CSMD3: variants seen among roughly 807,000 people sequenced by gnomAD.
CSMD3 encodes CUB and sushi domain-containing protein 3.
A neutral mutation model predicts 435.2 loss-of-function variants in CSMD3; 177 were observed. That is an observed-to-expected ratio of 0.41 (90% CI 0.36 to 0.46). The LOEUF (loss-of-function observed/expected upper bound fraction) is 0.46. CSMD3 is among the 20% of genes least tolerant of loss of function. The pLI is 0.34. For synonymous variants in CSMD3, 1,656 were observed against 1,520.5 expected (o/e 1.09, Z -2.07); for missense variants, 4,265 against 4,504.6 (o/e 0.95, Z 1.52).
intron 38 of CSMD3, among the ~76,000 whole-genome samples, chr8:112,372,079 A>G (rs1052667250): frequency 1.3e-5 from 2 of 152,078 alleles, no homozygotes; most frequent in African/African-American, 2.4e-5. Flanking sequence ...TGGGATAAAA[A>G]AGTTCACAAA....
intron 12 of CSMD3, among the ~76,000 whole-genome samples, chr8:112,806,039 G>A (rs117191613): frequency 1.0e-3 from 154 of 152,122 alleles, no homozygotes; most frequent in Middle Eastern, 6.8e-3. Flanking sequence ...AATATTTAGA[G>A]CATCTGTTGA....
chr8:112,341,196 T>C (rs1825071904), intron 42 of CSMD3, among the ~76,000 whole-genome samples: 1 of 152,036 alleles, frequency 6.6e-6, no homozygotes, highest in African/African-American at 2.4e-5. Context: ...CCTTGCTTAT[T>C]TGCCATGCCT....
At chr8:112,597,217 C>T (rs1212165594) in intron 22 of CSMD3, among the ~76,000 whole-genome samples, 2 of 151,550 alleles carry the variant, frequency 1.3e-5, no homozygotes, top group Admixed American at 6.6e-5. Flanking sequence ...TACAAACTAC[C>T]ATCAGAGAAT....
At chr8:113,025,324 A>C (rs547856850) in intron 5 of CSMD3, among the ~76,000 whole-genome samples, 3 of 152,202 alleles carry the variant, frequency 2.0e-5, no homozygotes, top group African/African-American at 7.2e-5. Context: ...TTTGGCTTTG[A>C]TTCTGGGTAG....
At chr8:113,200,254 C>G (rs1271579143) in intron 3 of CSMD3, among the ~76,000 whole-genome samples, 1 of 151,748 alleles carries the variant, frequency 6.6e-6, no homozygotes, top group East Asian at 1.9e-4. Context: ...CCAAACTATA[C>G]TGCACATTTG....
chr8:113,387,309 A>G (rs2094443378), intron 1 of CSMD3, among the ~76,000 whole-genome samples: 2 of 151,752 alleles, frequency 1.3e-5, no homozygotes, highest in African/African-American at 4.8e-5. Context: ...CTTTTTGTAA[A>G]CTGTAAAATG....
At chr8:112,646,741 T>C (rs1478424264) in intron 19 of CSMD3, among the ~76,000 whole-genome samples, 1 of 152,168 alleles carries the variant, frequency 6.6e-6, no homozygotes, top group East Asian at 1.9e-4. Flanking sequence ...ATTTCTGTTA[T>C]TTGAAAATAA....
chr8:112,252,626 T>C (rs1815369914), intron 63 of CSMD3, among the ~76,000 whole-genome samples: 1 of 150,710 alleles, frequency 6.6e-6, no homozygotes. Flanking sequence ...TATATAACTA[T>C]TTATTGTGTT....
At chr8:112,457,431 A>T (rs1816950690) in intron 32 of CSMD3, among the ~76,000 whole-genome samples, 1 of 152,136 alleles carries the variant, frequency 6.6e-6, no homozygotes, top group African/African-American at 2.4e-5. Context: ...ATGCTACTAG[A>T]ATCCTACAGC....
chr8:112,846,561 C>T (rs2080326495), intron 11 of CSMD3, among the ~76,000 whole-genome samples: 1 of 151,738 alleles, frequency 6.6e-6, no homozygotes, highest in Non-Finnish European at 1.5e-5. Flanking sequence ...TGCCACCATG[C>T]CCACTTGGTT....
chr8:112,820,763 A>C (rs1239789390), intron 12 of CSMD3, among the ~76,000 whole-genome samples: 1 of 151,902 alleles, frequency 6.6e-6, no homozygotes, highest in African/African-American at 2.4e-5. Flanking sequence ...CTAGGTTTTA[A>C]GTCCCATATG....
intron 18 of CSMD3, among the ~76,000 whole-genome samples, chr8:112,655,871 T>C (rs923762604): frequency 1.3e-5 from 2 of 152,032 alleles, no homozygotes; most frequent in African/African-American, 4.8e-5. Context: ...TTTTCAGAAC[T>C]ATACACAAAT....
At chr8:112,798,494 G>T (rs1272891859) in intron 13 of CSMD3, among the ~76,000 whole-genome samples, 1 of 151,676 alleles carries the variant, frequency 6.6e-6, no homozygotes, top group Non-Finnish European at 1.5e-5. Context: ...AAAAAGTAGG[G>T]CATTATTCAT....
At chr8:113,214,771 A>G (rs1588290466) in intron 3 of CSMD3, among the ~76,000 whole-genome samples, 1 of 151,978 alleles carries the variant, frequency 6.6e-6, no homozygotes, top group African/African-American at 2.4e-5. Flanking sequence ...TTTATATATT[A>G]ATGTGTCAAA....
chr8:113,316,932 T>A (rs1235860872), intron 1 of CSMD3, among the ~76,000 whole-genome samples: 1 of 152,138 alleles, frequency 6.6e-6, no homozygotes, highest in Non-Finnish European at 1.5e-5. Flanking sequence ...ACCAATATAA[T>A]CCTATCCTCT....
At chr8:112,934,977 C>T (rs1037861369) in intron 9 of CSMD3, among the ~76,000 whole-genome samples, 2 of 151,870 alleles carry the variant, frequency 1.3e-5, no homozygotes, top group Non-Finnish European at 2.9e-5. Flanking sequence ...AAAATCATTG[C>T]CCAGACCAAT....
chr8:112,711,102 C>A (rs1308753363), intron 13 of CSMD3, among the ~76,000 whole-genome samples: 1 of 151,974 alleles, frequency 6.6e-6, no homozygotes, highest in Non-Finnish European at 1.5e-5. Context: ...GATATTTTAG[C>A]AGCATTATTG....
rs986319096 is a variant in CSMD3, at chr8:112,975,996, G to A, written c.1183C>T (p.Arg395Ter). Residue 395 changes from arginine to a stop codon, truncating the protein, a stop_gained, in exon 7 of 71, where the codon CGA becomes TGA. Transcript: ENST00000297405. LOFTEE classifies it high-confidence loss of function. ...TTTCTGAGACTCGTAACTTGCACTC[G>A]CTGTTCCTCGGAAAGTCTATGGATG... ...VTIHRLSEEQ[R>*]VQVTSLRNSG... The A allele has an allele frequency of 3.7e-6, 6 of 1,613,820 alleles. No homozygotes were observed. Among genetic ancestry groups the A allele is most frequent in the East Asian group, 4.5e-5 (2 of 44,862 alleles).
At position 112,921,077 on chromosome 8, in the gene CSMD3, A is replaced by G. The variant is rs1200105266; in HGVS notation, c.1633+550T>C. Among the ~76,000 whole-genome samples, 3 of 151,356 alleles carry G rather than the reference A, an allele frequency of 2.0e-5. No homozygotes were observed. In the East Asian group the frequency reaches 5.8e-4, roughly 29 times the overall value. On this transcript the variant is annotated intron_variant, in intron 10 of 70. Transcript: ENST00000297405. ...AATTCCAGATAAGATATATATACAT[A>G]TGTATATCTTACATATATATACACA...
Sources: allele counts gnomAD v4.1 joint callset (sites outside exome capture counted in the v4.1 genomes callset), GRCh38; gene constraint gnomAD v4.1.1; transcripts MANE v1.5; gene names NCBI Gene and HGNC (gene_info 2026-07-23, HGNC 2026-07-21).